Variants in FANK1 observed in about 807,000 individuals in gnomAD.
The protein encoded by FANK1 is fibronectin type III and ankyrin repeat domains 1.
In FANK1, 44 loss-of-function variants were observed where a neutral mutation model predicts 45.3. The observed-to-expected ratio is 0.97, with a 90% CI of 0.76 to 1.25. The LOEUF (loss-of-function observed/expected upper bound fraction) is 1.25. FANK1 is among the 50% of genes most tolerant of loss of function. The pLI is 0.00. For synonymous variants in FANK1, 149 were observed against 152.5 expected (o/e 0.98, Z 0.17); for missense variants, 391 against 424.4 (o/e 0.92, Z 0.69).
In FANK1 at chr10:125,928,261, C is replaced by T. The variant is rs867422328; in HGVS notation, c.13+31606C>T. Among the ~76,000 whole-genome samples the T allele has an allele frequency of 9.4e-5, 13 of 137,686 alleles. 1 individual carries two copies. Among genetic ancestry groups the T allele is most frequent in the Admixed American group, 1.5e-4 (2 of 13,660 alleles). The allele number at this position is 137,686 out of a possible 152,430, so 90.3% of individuals were successfully genotyped here. A position where few individuals can be genotyped will look rare whatever the true frequency, so the allele number is the denominator to read the frequency against. On this transcript the variant is annotated intron_variant, in intron 1 of 10. Transcript: ENST00000368693. ...TAAACAAGGGGTGGATTATTCGTGC[C>T]TTTTTTTTTTTTTTTTTTAAAGACC...
intron 1 of FANK1, among the ~76,000 whole-genome samples, chr10:125,933,840 T>C (rs1298611303): frequency 6.6e-6 from 1 of 152,198 alleles, no homozygotes; most frequent in Non-Finnish European, 1.5e-5. Flanking sequence ...GTCATTATTG[T>C]CATTCAGTTT....
At chr10:125,928,318 A>ATTTG (rs987181763) in intron 1 of FANK1, among the ~76,000 whole-genome samples, 1 of 134,520 alleles carries the variant, frequency 7.4e-6, no homozygotes, top group Admixed American at 7.9e-5. Context: ...TTGCCATGGC[A>ATTTG]TTTGTAAACT....
intron 1 of FANK1, chr10:125,973,198 C>G (rs1410108671): frequency 6.5e-6 from 1 of 152,854 alleles, no homozygotes; most frequent in East Asian, 1.9e-4. Flanking sequence ...TTTTACTCCT[C>G]ATATAACTTC....
chr10:125,929,430 C>G (rs1947603094), intron 1 of FANK1, among the ~76,000 whole-genome samples: 1 of 152,156 alleles, frequency 6.6e-6, no homozygotes, highest in Non-Finnish European at 1.5e-5. Flanking sequence ...AACAGCATTC[C>G]TCCTGGGGGA....
chr10:125,919,685 G>C (rs1314424584), intron 1 of FANK1, among the ~76,000 whole-genome samples: 1 of 152,134 alleles, frequency 6.6e-6, no homozygotes, highest in East Asian at 1.9e-4. Flanking sequence ...GAATACACAG[G>C]ATTTGAAGTG....
intron 1 of FANK1, among the ~76,000 whole-genome samples, chr10:125,923,310 A>G (rs1947077891): frequency 6.6e-6 from 1 of 151,602 alleles, no homozygotes; most frequent in African/African-American, 2.4e-5. Flanking sequence ...AAAAAATAAA[A>G]ATTAGCTTGG....
chr10:125,979,113 G>A (rs964322595), intron 1 of FANK1, among the ~76,000 whole-genome samples: 7 of 152,150 alleles, frequency 4.6e-5, no homozygotes, highest in Admixed American at 1.3e-4. Context: ...TCGCTCATTC[G>A]GTCATTGCTT....
intron 1 of FANK1, among the ~76,000 whole-genome samples, chr10:125,943,801 A>C (rs926019703): frequency 4.6e-5 from 7 of 152,242 alleles, no homozygotes; most frequent in Admixed American, 3.3e-4. Context: ...TACTACATGT[A>C]ATGTAAAAGA....
At chr10:125,906,208 A>G (rs1263344129) in intron 1 of FANK1, among the ~76,000 whole-genome samples, 4 of 152,086 alleles carry the variant, frequency 2.6e-5, no homozygotes, top group South Asian at 2.1e-4. Flanking sequence ...AAGATCTCCC[A>G]GGTCCGTTAC....
At chr10:125,987,031 G>T (rs888263936) in intron 2 of FANK1, among the ~76,000 whole-genome samples, 8 of 152,192 alleles carry the variant, frequency 5.3e-5, no homozygotes, top group Admixed American at 1.3e-4. Context: ...ACCTGATCCA[G>T]ATCTGAAGTC....
chr10:126,006,782 C>T (rs1418514405), intron 7 of FANK1, among the ~76,000 whole-genome samples: 1 of 152,194 alleles, frequency 6.6e-6, no homozygotes, highest in Non-Finnish European at 1.5e-5. Flanking sequence ...ATTGCTTGAA[C>T]CCAGGAGGTG....
rs553797607 is a variant in FANK1 at position 125,900,076 on chromosome 10, C to G, written c.13+3421C>G. Among the ~76,000 whole-genome samples, 202 of 152,310 alleles carry G rather than the reference C, an allele frequency of 1.3e-3. No individual in the cohort carries two copies. The South Asian group carries it at 0.04, about 30-fold the overall frequency. ...AACATAAACTCTTCAGACCCCACAG[C>G]TGGATCATACTCTTGGCAGCAAGCA... is the stretch of plus-strand genomic sequence containing the variant. On this transcript the variant is annotated intron_variant, in intron 1 of 10. Coordinates refer to ENST00000368693, the MANE Select transcript of FANK1 (RefSeq NM_145235.5).
At chr10:125,995,211 G>A (rs1952235243) in intron 3 of FANK1, among the ~76,000 whole-genome samples, 1 of 152,086 alleles carries the variant, frequency 6.6e-6, no homozygotes, top group Non-Finnish European at 1.5e-5. Flanking sequence ...CCAAGCTTTA[G>A]GTCAGTCAAA....
At chr10:125,922,090 G>A (rs1198084537) in intron 1 of FANK1, among the ~76,000 whole-genome samples, 1 of 152,030 alleles carries the variant, frequency 6.6e-6, no homozygotes, top group Non-Finnish European at 1.5e-5. Flanking sequence ...AAATTGCCCT[G>A]TAAGCACATA....
intron 1 of FANK1, among the ~76,000 whole-genome samples, chr10:125,934,551 T>C (rs1447685675): frequency 2.6e-5 from 4 of 151,656 alleles, no homozygotes. Flanking sequence ...CCTGCGTGAA[T>C]TAAGGCTGGT....
chr10:125,932,768 TC>T (rs761982581), intron 1 of FANK1, among the ~76,000 whole-genome samples: 2 of 152,212 alleles, frequency 1.3e-5, no homozygotes, highest in Non-Finnish European at 2.9e-5. Context: ...AAATTGGGCA[TC>T]CTTGTCTTGT....
intron 1 of FANK1, among the ~76,000 whole-genome samples, chr10:125,957,449 C>A (rs1949650736): frequency 6.6e-6 from 1 of 151,932 alleles, no homozygotes; most frequent in African/African-American, 2.4e-5. Flanking sequence ...GAGGAACTTC[C>A]TTTAACATTT....
chr10:125,985,475 T>C (rs1432515941), intron 2 of FANK1, among the ~76,000 whole-genome samples: 1 of 152,234 alleles, frequency 6.6e-6, no homozygotes, highest in Non-Finnish European at 1.5e-5. Context: ...TCTGAATATT[T>C]ATCTTGGTTT....
chr10:125,925,348 T>C (rs528291514), intron 1 of FANK1, among the ~76,000 whole-genome samples: 20 of 152,256 alleles, frequency 1.3e-4, no homozygotes, highest in Admixed American at 7.2e-4. Context: ...GCTTTCAACA[T>C]TACGTATGAT....
Sources: gnomAD v4.1 joint callset for allele counts (sites outside exome capture counted in the v4.1 genomes callset) on GRCh38, gnomAD v4.1.1 for gene constraint, MANE v1.5 for transcripts, NCBI Gene and HGNC (gene_info 2026-07-23, HGNC 2026-07-21) for gene names.